Variants in IL1RAPL1 observed in about 807,000 individuals in gnomAD.
IL1RAPL1 encodes interleukin-1 receptor accessory protein-like 1.
In IL1RAPL1, 3 loss-of-function variants were observed where a neutral mutation model predicts 48.4. The ratio of observed to expected loss-of-function variants is 0.06; its 90% confidence interval spans 0.03 to 0.16. The LOEUF is 0.16. IL1RAPL1 is among the 10% of genes least tolerant of loss of function. The probability of loss-of-function intolerance (pLI) is 1.00; values close to 1 mark genes in which losing one functional copy is unlikely to be tolerated. For synonymous variants in IL1RAPL1, 185 were observed against 187.7 expected (o/e 0.99, Z 0.12); for missense variants, 349 against 530.6 (o/e 0.66, Z 3.36).
intron 1 of IL1RAPL1, among the ~76,000 whole-genome samples, chrX:28,660,260 A>G (rs1198554093): frequency 3.6e-5 from 4 of 110,672 alleles, no homozygotes; most frequent in African/African-American, 1.3e-4. Context: ...CCTAAAAAAC[A>G]ATCTATTAGT....
At chrX:29,123,570 C>A (rs777019087) in intron 2 of IL1RAPL1, among the ~76,000 whole-genome samples, 1 of 112,125 alleles carries the variant, frequency 8.9e-6, no homozygotes, top group East Asian at 2.8e-4. Context: ...TGAGAAAGCT[C>A]ATTACTGTTG....
chrX:29,645,631 G>A (rs1424247686), intron 5 of IL1RAPL1, among the ~76,000 whole-genome samples: 1 of 111,604 alleles, frequency 9.0e-6, no homozygotes, highest in Non-Finnish European at 1.9e-5. Context: ...CTGCATTGTG[G>A]CCAGCTGACT....
intron 1 of IL1RAPL1, among the ~76,000 whole-genome samples, chrX:28,745,308 T>C (rs768237429): frequency 1.8e-5 from 2 of 111,574 alleles, no homozygotes; most frequent in Non-Finnish European, 3.8e-5. Flanking sequence ...CAGTCTTCCA[T>C]GCCGTGGAAA....
At chrX:28,665,936 C>T (rs893349754) in intron 1 of IL1RAPL1, among the ~76,000 whole-genome samples, 3 of 112,301 alleles carry the variant, frequency 2.7e-5, no homozygotes, top group Non-Finnish European at 5.6e-5. Flanking sequence ...TGGGTGTCAG[C>T]TATGGAGCAC....
intron 3 of IL1RAPL1, among the ~76,000 whole-genome samples, chrX:29,311,052 T>G (rs1266504453): frequency 8.9e-6 from 1 of 111,900 alleles, no homozygotes; most frequent in Non-Finnish European, 1.9e-5. Flanking sequence ...AGAATGACTC[T>G]TCCCAATTAG....
chrX:29,779,612 G>A (rs1929287551), intron 6 of IL1RAPL1, among the ~76,000 whole-genome samples: 1 of 110,546 alleles, frequency 9.0e-6, no homozygotes, highest in East Asian at 2.8e-4. Flanking sequence ...AAGTTGGAGT[G>A]AAAAAATAAT....
chrX:29,073,778 CTTTTA>C (rs746624151), intron 2 of IL1RAPL1, among the ~76,000 whole-genome samples: 63 of 111,536 alleles, frequency 5.6e-4, no homozygotes, highest in Non-Finnish European at 1.1e-3. Flanking sequence ...CCCACTAACT[CTTTTA>C]TTTTTTTAAA....
At position 29,235,306 on chromosome X, in the gene IL1RAPL1, C is replaced by T. The variant is rs749219396; in HGVS notation, c.83-47632C>T. The stretch of plus-strand genomic sequence containing the variant: ...AATATTAGAAATAGTTGTGTTGGTA[C>T]TGAACAATCAACGGTTGTTATTGTT... On this transcript the variant is annotated intron_variant, in intron 2 of 10. Transcript: ENST00000378993. Among the ~76,000 whole-genome samples the T allele has an allele frequency of 5.4e-5, 6 of 111,610 alleles. No homozygotes were observed. In the East Asian group the frequency reaches 1.7e-3, roughly 31 times the overall value.
chrX:28,691,896 T>C (rs196980), intron 1 of IL1RAPL1, among the ~76,000 whole-genome samples: 193 of 109,788 alleles, frequency 1.8e-3, no homozygotes, highest in African/African-American at 5.3e-3. Context: ...CTGGGTAATT[T>C]ATAAAGAAAA....
At chrX:28,932,460 C>T (rs751444249) in intron 2 of IL1RAPL1, among the ~76,000 whole-genome samples, 1 of 111,511 alleles carries the variant, frequency 9.0e-6, no homozygotes, top group East Asian at 2.8e-4. Flanking sequence ...TGGATGTGTG[C>T]TTTTGTGTTT....
At chrX:29,212,732 A>C (rs183739295) in intron 2 of IL1RAPL1, among the ~76,000 whole-genome samples, 1 of 112,797 alleles carries the variant, frequency 8.9e-6, no homozygotes. Flanking sequence ...TCTTGCAATA[A>C]AGTATGTTAG....
rs184249591 is a variant in IL1RAPL1 at position 28,957,797 on chromosome X, T to C, written c.82+168372T>C. Among the ~76,000 whole-genome samples, 112 of 108,745 alleles carry C rather than the reference T, an allele frequency of 1.0e-3. No individual in the cohort carries two copies. In the East Asian group the frequency reaches 0.023, roughly 22 times the overall value. 94.4% of individuals were successfully genotyped at this position (108,745 alleles called of 115,157 possible). A position where few individuals can be genotyped will look rare whatever the true frequency, so the allele number is the denominator to read the frequency against. On this transcript the variant is annotated intron_variant, in intron 2 of 10. Transcript: ENST00000378993. ...CAACATGGTGAAACCCTGTCTCTAC[T>C]AAAATATAAAAATTAGCTGGGTGTG...
intron 2 of IL1RAPL1, among the ~76,000 whole-genome samples, chrX:29,106,204 C>A (rs912357155): frequency 1.8e-5 from 2 of 111,526 alleles, no homozygotes; most frequent in Non-Finnish European, 3.8e-5. Flanking sequence ...AGGGCATGTT[C>A]TCAAGGGGGT....
At chrX:28,666,625 C>T (rs1462320530) in intron 1 of IL1RAPL1, among the ~76,000 whole-genome samples, 2 of 111,714 alleles carry the variant, frequency 1.8e-5, no homozygotes, top group African/African-American at 6.5e-5. Flanking sequence ...TACACAAACA[C>T]ACATAAAACT....
intron 6 of IL1RAPL1, among the ~76,000 whole-genome samples, chrX:29,889,085 A>T (rs891237731): frequency 8.9e-6 from 1 of 112,272 alleles, no homozygotes; most frequent in Non-Finnish European, 1.9e-5. Context: ...TTCTATATGC[A>T]TATGATTGAT....
At chrX:29,587,419 C>T (rs1044089152) in intron 5 of IL1RAPL1, among the ~76,000 whole-genome samples, 5 of 109,946 alleles carry the variant, frequency 4.5e-5, no homozygotes, top group African/African-American at 1.7e-4. Flanking sequence ...TCAAAGGGCA[C>T]AAAATTTCAA....
chrX:28,945,903 ATG>A (rs202162763), intron 2 of IL1RAPL1, among the ~76,000 whole-genome samples: 986 of 97,600 alleles, frequency 0.01, 5 homozygotes, highest in South Asian at 0.019. Context: ...ATATATATAT[ATG>A]TGTGTGTGTG....
At chrX:29,254,259 A>G (rs1931716372) in intron 2 of IL1RAPL1, among the ~76,000 whole-genome samples, 1 of 111,878 alleles carries the variant, frequency 8.9e-6, no homozygotes, top group Non-Finnish European at 1.9e-5. Flanking sequence ...TCTTAGCAAA[A>G]TAGGAACTAG....
intron 2 of IL1RAPL1, among the ~76,000 whole-genome samples, chrX:29,111,336 A>C (rs1427675396): frequency 8.9e-6 from 1 of 112,467 alleles, no homozygotes; most frequent in Non-Finnish European, 1.9e-5. Flanking sequence ...TTTGAACTCG[A>C]TATAAATGTG....
Sources: allele counts gnomAD v4.1 joint callset (sites outside exome capture counted in the v4.1 genomes callset), GRCh38; gene constraint gnomAD v4.1.1; transcripts MANE v1.5; gene names NCBI Gene and HGNC (gene_info 2026-07-23, HGNC 2026-07-21).